The following BICRAL variants were observed in gnomAD, a reference collection of about 807,000 sequenced individuals.
The protein encoded by BICRAL is BRD4-interacting chromatin-remodeling complex-associated protein-like.
BICRAL carries 8 observed loss-of-function variants against 91.8 expected under a neutral mutation model. The observed-to-expected ratio is 0.09, with a 90% confidence interval of 0.05 to 0.16. The LOEUF is 0.16. Ranked by LOEUF, BICRAL falls within the 10% of genes least tolerant of loss-of-function variation. The pLI, the probability that BICRAL is intolerant of heterozygous loss-of-function variation, is 1.00. For missense variants in BICRAL, 1,038 were observed against 1,310.9 expected (o/e 0.79, Z 3.21); for synonymous variants, 445 against 491.1 (o/e 0.91, Z 1.24).
At chr6:42,790,532 C>A (rs1051618489) in intron 1 of BICRAL, among the ~76,000 whole-genome samples, 14 of 151,270 alleles carry the variant, frequency 9.3e-5, no homozygotes, top group Middle Eastern at 3.2e-3. Flanking sequence ...CACCCCCCCC[C>A]CACCTTCTTT....
rs775544520 is a variant in BICRAL at position 42,822,874 on chromosome 6, C to G, written c.90+30C>G. The G allele has an allele frequency of 7.9e-6, 12 of 1,518,024 alleles. No homozygotes were observed. In the East Asian group the frequency reaches 2.7e-4, roughly 34 times the overall value. The allele number at this position is 1,518,024 out of a possible 1,614,324, so 94.0% of individuals were successfully genotyped here. Reference sequence around the variant, plus strand: ...GTAATGCATAGAATACCACAGACATCTATTTTGTTTCTGCTTTACAGTTAA... The same window carrying G: ...GTAATGCATAGAATACCACAGACATGTATTTTGTTTCTGCTTTACAGTTAA... On this transcript the variant is annotated intron_variant, in intron 4 of 12. Coordinates refer to ENST00000314073, the MANE Select transcript of BICRAL (RefSeq NM_001393499.1).
At chr6:42,828,323 C>A (rs1764363641) in intron 5 of BICRAL, among the ~76,000 whole-genome samples, 170 bp from the exon 6 acceptor site, 1 of 151,660 alleles carries the variant, frequency 6.6e-6, no homozygotes, top group African/African-American at 2.4e-5. Context: ...ATGGCGTGAA[C>A]CCGGGAGGCG....
Position 42,829,380 on chromosome 6 carries a change from A to C in BICRAL, c.1047A>C (p.Ser349=). 1 of 1,614,066 alleles carries C rather than the reference A, an allele frequency of 6.2e-7. No homozygotes were observed. The highest frequency in any genetic ancestry group is 8.5e-7 in the Non-Finnish European group (1 of 1,179,974). The change falls in exon 6 of 13, where the codon TCA becomes TCC. Residue 349 remains serine (S), a synonymous_variant. Coordinates refer to ENST00000314073, the MANE Select transcript of BICRAL (RefSeq NM_001393499.1). ...QQGISFASAS[S]PQGSVVGPHM... is the part of the protein sequence containing the mutation. ...GGATCTCTTTTGCTTCTGCAAGCTC[A>C]CCCCAGGGCTCAGTAGTTGGTCCAC...
chr6:42,841,697 A>T (rs1014699426), intron 6 of BICRAL, among the ~76,000 whole-genome samples: 1 of 152,172 alleles, frequency 6.6e-6, no homozygotes, highest in Admixed American at 6.6e-5. Flanking sequence ...AATGTCTCCT[A>T]TCCATTCTCT....
chr6:42,849,746 G>T (rs554930903), intron 6 of BICRAL, among the ~76,000 whole-genome samples: 1 of 150,486 alleles, frequency 6.6e-6, no homozygotes, highest in East Asian at 2.1e-4. Flanking sequence ...GCCTAGAACA[G>T]AAATGTTAAC....
At chr6:42,755,763 G>T (rs1762449265) in intron 1 of BICRAL, among the ~76,000 whole-genome samples, 1 of 151,212 alleles carries the variant, frequency 6.6e-6, no homozygotes, top group Non-Finnish European at 1.5e-5. Flanking sequence ...TCCGCCTCCT[G>T]GGTTCAAGCG....
rs770520928 is a variant in BICRAL at position 42,828,588 on chromosome 6, T to G, written c.255T>G (p.Leu85=). Reference sequence around the variant, plus strand: ...CACTTTCAAGTAGCCTCCAGTTTCTTGAAGATGAACTCGAGTCTTCTCCTC... The same window carrying G: ...CACTTTCAAGTAGCCTCCAGTTTCTGGAAGATGAACTCGAGTCTTCTCCTC... ...GLPLSSSLQF[L]EDELESSPLP... Residue 85 remains leucine, a synonymous_variant, in exon 6 of 13, where the codon CTT becomes CTG. Transcript: ENST00000314073. 4.3e-6 allele frequency: 7 copies of G among 1,614,124 alleles called. No individual in the cohort carries two copies. The South Asian group carries it at 6.6e-5, about 15-fold the overall frequency.
At position 42,828,911 on chromosome 6, in the gene BICRAL, G is replaced by A. The variant is rs776786692; in HGVS notation, c.578G>A (p.Gly193Glu). 1.2e-6 allele frequency: 2 copies of A among 1,614,074 alleles called. No homozygotes were observed. Among genetic ancestry groups the A allele is most frequent in the South Asian group, 1.1e-5 (1 of 91,072 alleles). ...CAACATGGCTTTATGCAACATGTGG[G>A]GATCAGTGTTCCCAGCCAGCATTTG... ...GVQHGFMQHV[G>E]ISVPSQHLSN... Residue 193 changes from glycine to glutamate, a missense_variant, in exon 6 of 13, where the codon GGG becomes GAG. Gly to Glu is a moderately conservative substitution (Grantham distance 98, BLOSUM62 -2). This residue lies in a region of BICRAL where 532 missense variants were observed against 724.9 expected (regional missense o/e 0.73). Coordinates refer to ENST00000314073, the MANE Select transcript of BICRAL (RefSeq NM_001393499.1).
intron 1 of BICRAL, among the ~76,000 whole-genome samples, chr6:42,788,468 C>T (rs1193504622): frequency 6.6e-6 from 1 of 152,050 alleles, no homozygotes; most frequent in African/African-American, 2.4e-5. Context: ...GTGATCCACG[C>T]ACCTAGGCCT....
At chr6:42,793,398 C>T (rs1435082733) in intron 1 of BICRAL, among the ~76,000 whole-genome samples, 3 of 144,876 alleles carry the variant, frequency 2.1e-5, no homozygotes, top group South Asian at 2.2e-4. Flanking sequence ...ATGATCCACC[C>T]GCCTCGGCCT....
chr6:42,845,155 G>T (rs551089819), intron 6 of BICRAL, among the ~76,000 whole-genome samples: 11 of 130,140 alleles, frequency 8.5e-5, no homozygotes, highest in African/African-American at 3.2e-4. Context: ...AGACTGTTTG[G>T]TATCCTTCGG....
At position 42,760,371 on chromosome 6, in the gene BICRAL, A is replaced by AG. The variant is rs1410266910; in HGVS notation, c.-261+13348_-261+13349insG. ...CCATCTCTACTACTAAAAAAAAAAA[A>AG]AAAAGTGGGTCAGGGGACTTGTTCT... On this transcript the variant is annotated intron_variant, in intron 1 of 14. Coordinates refer to the BICRAL transcript ENST00000614467. Among the ~76,000 whole-genome samples the AG allele has an allele frequency of 2.0e-5, 3 of 151,710 alleles. No homozygotes were observed. In the East Asian group the frequency reaches 5.8e-4, roughly 29 times the overall value.
In BICRAL at chr6:42,815,777, C is replaced by T. The variant is rs141026684; in HGVS notation, c.-6+5376C>T. Among the ~76,000 whole-genome samples the T allele has an allele frequency of 6.1e-3, 923 of 150,286 alleles. 11 individuals are homozygous for T. Among genetic ancestry groups the T allele is most frequent in the African/African-American group, 0.022 (892 of 40,994 alleles). On this transcript the variant is annotated intron_variant, in intron 2 of 12. Coordinates refer to ENST00000314073, the MANE Select transcript of BICRAL (RefSeq NM_001393499.1). ...CTGAGGTGGGCGGATCACCTGAGGT[C>T]AGGAGTTCGAGACTAGCCTGACCAA...
At chr6:42,844,048 C>T (rs1441990979) in intron 6 of BICRAL, among the ~76,000 whole-genome samples, 4 of 149,322 alleles carry the variant, frequency 2.7e-5, no homozygotes, top group Admixed American at 6.7e-5. Context: ...GTGATCCGCC[C>T]GCCTCGGCCT....
intron 6 of BICRAL, among the ~76,000 whole-genome samples, chr6:42,835,224 G>A (rs1429884453): frequency 6.6e-6 from 1 of 152,060 alleles, no homozygotes; most frequent in African/African-American, 2.4e-5. Context: ...TGCCTCCCGG[G>A]TTCAAGCTAT....
intron 6 of BICRAL, among the ~76,000 whole-genome samples, chr6:42,849,002 G>T (rs1051375867): frequency 6.6e-6 from 1 of 152,146 alleles, no homozygotes; most frequent in Non-Finnish European, 1.5e-5. Flanking sequence ...AGATTTTCAC[G>T]TTGACCCTTC....
chr6:42,853,705 A>T lies in BICRAL; in HGVS notation c.2013A>T (p.Val671=), dbSNP rs1182466666. 1.2e-5 allele frequency: 19 copies of T among 1,613,826 alleles called. No individual in the cohort carries two copies. Among genetic ancestry groups the T allele is most frequent in the Non-Finnish European group, 1.6e-5 (19 of 1,179,680 alleles). ...CCGCACAACCACAGCAGGAAAAAGT[A>T]GTTGGATCATCTCCTGGCCATCCAG... ...LGTAQPQQEK[V]VGSSPGHPAV... The change falls in exon 8 of 13, where the codon GTA becomes GTT. Residue 671 remains valine, a synonymous_variant. Coordinates refer to ENST00000314073, the MANE Select transcript of BICRAL (RefSeq NM_001393499.1).
intron 1 of BICRAL, among the ~76,000 whole-genome samples, chr6:42,787,346 A>G (rs1415675196): frequency 6.6e-6 from 1 of 152,036 alleles, no homozygotes; most frequent in African/African-American, 2.4e-5. Flanking sequence ...CCAAGCGGAG[A>G]GTTAAGTAGG....
At chr6:42,757,612 C>T (rs980540578) in intron 1 of BICRAL, among the ~76,000 whole-genome samples, 4 of 152,202 alleles carry the variant, frequency 2.6e-5, no homozygotes, top group African/African-American at 9.6e-5. Context: ...ATCTCGAACT[C>T]CTGGCCTCAA....
Sources: gnomAD v4.1 joint callset for allele counts (sites outside exome capture counted in the v4.1 genomes callset) on GRCh38, gnomAD v4.1.1 for gene constraint, gnomAD v4.1.1 regional missense constraint, MANE v1.5 for transcripts, NCBI Gene and HGNC (gene_info 2026-07-23, HGNC 2026-07-21) for gene names.